Variants in AK5 observed in about 807,000 individuals in gnomAD.
AK5 encodes the protein adenylate kinase isoenzyme 5.
Under a neutral mutation model 69.5 loss-of-function variants are expected in AK5, and 27 were observed. That is an observed-to-expected ratio of 0.39 (90% CI 0.29 to 0.54). The LOEUF (loss-of-function observed/expected upper bound fraction) is 0.54, where lower values mean the gene tolerates loss of function less well. Among genes scored for constraint, AK5 ranks in the 20% least tolerant of loss-of-function variants. The pLI, the probability that AK5 is intolerant of heterozygous loss-of-function variation, is 0.71. For synonymous variants in AK5, 260 were observed against 244.4 expected, an observed-to-expected ratio of 1.06 and a Z score of -0.60; for missense variants, 531 against 700.4, an observed-to-expected ratio of 0.76 and a Z score of 2.73.
At chr1:77,363,227 A>G (rs192937695) in intron 6 of AK5, among the ~76,000 whole-genome samples, 27 of 152,154 alleles carry the variant, frequency 1.8e-4, no homozygotes, top group Non-Finnish European at 8.8e-5. Flanking sequence ...TGGCACCTCT[A>G]TCCTTCTATA....
At chr1:77,300,129 A>G (rs1204762328) in intron 5 of AK5, among the ~76,000 whole-genome samples, 1 of 152,136 alleles carries the variant, frequency 6.6e-6, no homozygotes, top group Non-Finnish European at 1.5e-5. Context: ...AGTAGGTGGG[A>G]GAGGGAGGGA....
At chr1:77,296,456 A>G (rs1659006565) in intron 3 of AK5, among the ~76,000 whole-genome samples, 2 of 152,248 alleles carry the variant, frequency 1.3e-5, no homozygotes, top group South Asian at 4.1e-4. Context: ...AATTGTGCCA[A>G]TCATATTTTT....
intron 8 of AK5, among the ~76,000 whole-genome samples, chr1:77,458,594 T>C (rs545367324): frequency 1.3e-5 from 2 of 152,320 alleles, no homozygotes; most frequent in Non-Finnish European, 2.9e-5. Context: ...TCACGTCTTA[T>C]GTGGATGGCA....
chr1:77,431,219 A>G (rs1651617110), intron 8 of AK5, among the ~76,000 whole-genome samples: 1 of 152,226 alleles, frequency 6.6e-6, no homozygotes, highest in African/African-American at 2.4e-5. Flanking sequence ...TGCTAAGGAA[A>G]CACAACAGGA....
intron 6 of AK5, among the ~76,000 whole-genome samples, chr1:77,396,488 T>A (rs1648837495): frequency 6.6e-6 from 1 of 152,248 alleles, no homozygotes; most frequent in South Asian, 2.1e-4. Context: ...ATCTTGCTAA[T>A]AAGTTAATTA....
intron 6 of AK5, among the ~76,000 whole-genome samples, chr1:77,394,568 T>G (rs2100534685): frequency 6.6e-6 from 1 of 152,054 alleles, no homozygotes; most frequent in East Asian, 1.9e-4. Flanking sequence ...TTGTGGACTC[T>G]TTAAAGGCAA....
intron 1 of AK5, among the ~76,000 whole-genome samples, chr1:77,283,922 T>G (rs551249127): frequency 4.6e-5 from 7 of 152,230 alleles, no homozygotes; most frequent in Non-Finnish European, 1.0e-4. Flanking sequence ...TCTTTTTTTC[T>G]TTGTAAATGT....
chr1:77,549,459 G>A (rs536517905), intron 13 of AK5, among the ~76,000 whole-genome samples: 26 of 152,034 alleles, frequency 1.7e-4, no homozygotes, highest in African/African-American at 5.8e-4. Context: ...TAGATAATCC[G>A]ATTATAGTCT....
intron 2 of AK5, 108 bp downstream of exon 2, chr1:77,287,235 C>A: frequency 2.7e-6 from 2 of 739,872 alleles, no homozygotes; most frequent in Non-Finnish European, 3.8e-6. Flanking sequence ...TTATAAATGC[C>A]TGAAGTCATT....
At position 77,559,521 on chromosome 1, in the gene AK5, T is replaced by TTTTGA. The variant is rs1660326520; in HGVS notation, c.*855_*859dup. The TTTTGA allele has an allele frequency of 6.8e-6, 1 of 146,262 alleles. No individual in the cohort carries two copies. The highest frequency in any genetic ancestry group is 2.5e-5 in the African/African-American group (1 of 40,202). 9.1% of individuals were successfully genotyped at this position (146,262 alleles called of 1,614,324 possible). On this transcript the variant is annotated 3_prime_UTR_variant, in exon 14 of 14. Transcript: ENST00000354567. Reference sequence around the variant, plus strand: ...TCATTGGGCACATATCAAATTATAATTTTGATTTTAAATGGTCACCCATGT... The same window carrying TTTTGA: ...TCATTGGGCACATATCAAATTATAATTTTGATTTGATTTTAAATGGTCACCCATGT...
intron 10 of AK5, among the ~76,000 whole-genome samples, chr1:77,505,614 C>G (rs929169584): frequency 6.6e-6 from 1 of 152,156 alleles, no homozygotes; most frequent in Non-Finnish European, 1.5e-5. Context: ...CACCTGTAAT[C>G]CCGGCACTTT....
At chr1:77,382,909 T>C (rs971419929) in intron 6 of AK5, among the ~76,000 whole-genome samples, 2 of 152,230 alleles carry the variant, frequency 1.3e-5, no homozygotes, top group African/African-American at 2.4e-5. Context: ...TCCTGCCAAG[T>C]TGATTGCTAA....
intron 10 of AK5, among the ~76,000 whole-genome samples, chr1:77,508,005 A>G (rs1014046140): frequency 4.6e-5 from 7 of 152,232 alleles, no homozygotes; most frequent in Non-Finnish European, 7.3e-5. Context: ...AAAATGTTCC[A>G]AAGTCCTAAT....
At chr1:77,403,653 T>A (rs1649404292) in intron 6 of AK5, among the ~76,000 whole-genome samples, 2 of 152,262 alleles carry the variant, frequency 1.3e-5, no homozygotes. Flanking sequence ...TCCACTGGTC[T>A]ATATCTCTGT....
chr1:77,360,698 C>T (rs1364570986), intron 6 of AK5, among the ~76,000 whole-genome samples: 2 of 152,154 alleles, frequency 1.3e-5, no homozygotes, highest in East Asian at 1.9e-4. Context: ...GAGACTTGAG[C>T]ATGCTTCAGT....
intron 6 of AK5, among the ~76,000 whole-genome samples, chr1:77,404,729 C>T (rs1649502766): frequency 1.3e-5 from 2 of 152,192 alleles, no homozygotes; most frequent in African/African-American, 4.8e-5. Flanking sequence ...GCATCTGCGC[C>T]ATCCCATGGC....
intron 8 of AK5, among the ~76,000 whole-genome samples, chr1:77,476,493 G>C (rs1234690359): frequency 6.6e-6 from 1 of 152,132 alleles, no homozygotes; most frequent in African/African-American, 2.4e-5. Flanking sequence ...TCAGATCATT[G>C]GTTTAGCATG....
intron 5 of AK5, among the ~76,000 whole-genome samples, chr1:77,329,203 A>T (rs928422705): frequency 6.7e-6 from 1 of 149,674 alleles, no homozygotes; most frequent in African/African-American, 2.5e-5. Flanking sequence ...TGAAAAAAAA[A>T]AAAAAAGCTT....
At chr1:77,304,641 G>C (rs1307705174) in intron 5 of AK5, among the ~76,000 whole-genome samples, 5 of 152,152 alleles carry the variant, frequency 3.3e-5, no homozygotes, top group African/African-American at 1.2e-4. Context: ...CAGACCTCGG[G>C]TGATCCACCC....
Sources: allele counts gnomAD v4.1 joint callset (sites outside exome capture counted in the v4.1 genomes callset), GRCh38; gene constraint gnomAD v4.1.1; transcripts MANE v1.5; gene names NCBI Gene and HGNC (gene_info 2026-07-23, HGNC 2026-07-21).